OXSR1: variants seen among roughly 807,000 people sequenced by gnomAD.
OXSR1 encodes the protein oxidative stress responsive kinase 1.
Under a neutral mutation model 79.8 loss-of-function variants are expected in OXSR1, and 24 were observed. The ratio of observed to expected loss-of-function variants is 0.30; its 90% CI spans 0.22 to 0.42. OXSR1 has a LOEUF of 0.42. OXSR1 is among the 10% of genes least tolerant of loss of function. The pLI is 1.00. For missense variants in OXSR1, 430 were observed against 618.4 expected (o/e 0.70, Z 3.23); for synonymous variants, 226 against 209.2 (o/e 1.08, Z -0.69).
At chr3:38,218,217 T>A (rs116034739) in intron 5 of OXSR1, among the ~76,000 whole-genome samples, 2,587 of 152,260 alleles carry the variant, frequency 0.017, 34 homozygotes, top group Non-Finnish European at 0.025. Flanking sequence ...GCTGTACCAT[T>A]TTACATTCCC....
At chr3:38,189,298 T>G (rs559031770) in intron 2 of OXSR1, among the ~76,000 whole-genome samples, 1 of 152,336 alleles carries the variant, frequency 6.6e-6, no homozygotes, top group South Asian at 2.1e-4. Context: ...TACTACTCAT[T>G]TGGTACCTAT....
At chr3:38,184,954 G>GTTTTTTTTTTTTTTTTTTTTTTTTTT in intron 2 of OXSR1, among the ~76,000 whole-genome samples, 1 of 96,228 alleles carries the variant, frequency 1.0e-5, no homozygotes, top group Non-Finnish European at 2.0e-5. Flanking sequence ...TTTTTTTTGG[G>GTTTTTTTTTTTTTTTTTTTTTTTTTT]TTTCTTTGAG....
At chr3:38,233,668 C>T (rs1004304402) in intron 10 of OXSR1, among the ~76,000 whole-genome samples, 3 of 152,048 alleles carry the variant, frequency 2.0e-5, no homozygotes, top group South Asian at 4.1e-4. Flanking sequence ...AATCCCAACA[C>T]ATTAGGAGGA....
At chr3:38,250,625 A>G (rs555787758) in intron 15 of OXSR1, among the ~76,000 whole-genome samples, 2 of 152,284 alleles carry the variant, frequency 1.3e-5, no homozygotes, top group Non-Finnish European at 2.9e-5. Flanking sequence ...AGTAGCCAGC[A>G]AGTATCTGTT....
At chr3:38,244,670 T>TGTGTGTGTGTGTGTGTGTGC (rs1491372358) in intron 12 of OXSR1, among the ~76,000 whole-genome samples, 157 of 149,708 alleles carry the variant, frequency 1.0e-3, no homozygotes, top group African/African-American at 3.8e-3. Context: ...TGTGTGTGCG[T>TGTGTGTGTGTGTGTGTGTGC]GCGCATGTAC....
At chr3:38,178,017 C>G (rs1256965320) in intron 1 of OXSR1, among the ~76,000 whole-genome samples, 1 of 152,198 alleles carries the variant, frequency 6.6e-6, no homozygotes, top group Non-Finnish European at 1.5e-5. Flanking sequence ...GGTGCAATCT[C>G]AGCTCACTGC....
intron 4 of OXSR1, among the ~76,000 whole-genome samples, chr3:38,210,440 A>G (rs760876782): frequency 3.3e-5 from 5 of 151,982 alleles, no homozygotes; most frequent in Non-Finnish European, 7.4e-5. Context: ...CATATTTCAA[A>G]TTGGTTACTT....
chr3:38,184,343 G>A (rs900256136), intron 2 of OXSR1, among the ~76,000 whole-genome samples: 2 of 152,188 alleles, frequency 1.3e-5, no homozygotes, highest in Non-Finnish European at 2.9e-5. Context: ...CATCTTTGGT[G>A]AGAGAATGCA....
intron 4 of OXSR1, among the ~76,000 whole-genome samples, chr3:38,206,533 G>A (rs994547063): frequency 6.7e-6 from 1 of 148,514 alleles, no homozygotes; most frequent in African/African-American, 2.5e-5. Context: ...GACCCTAAAT[G>A]TATACTTCAG....
intron 12 of OXSR1, 62 bp downstream of exon 12, chr3:38,242,840 T>C: frequency 9.7e-7 from 1 of 1,029,708 alleles, no homozygotes; most frequent in Non-Finnish European, 1.5e-6. Flanking sequence ...TGGTTTCAAT[T>C]CGAAGTGCTT....
chr3:38,187,221 A>G lies in OXSR1; in HGVS notation c.184-3510A>G, dbSNP rs185741688. ...TATAACTGAAACATTTTCATATTAT[A>G]TAGAATATACTCTCATTTTCTATCC... On this transcript the variant is annotated intron_variant, in intron 2 of 17. Transcript: ENST00000311806. Among the ~76,000 whole-genome samples, 22 of 152,320 alleles carry G rather than the reference A, an allele frequency of 1.4e-4. No individual in the cohort carries two copies. In the East Asian group the frequency reaches 2.3e-3, roughly 16 times the overall value.
At chr3:38,240,830 A>G (rs1308573632) in intron 11 of OXSR1, among the ~76,000 whole-genome samples, 3 of 152,234 alleles carry the variant, frequency 2.0e-5, no homozygotes, top group Non-Finnish European at 4.4e-5. Flanking sequence ...GAAAATAGCT[A>G]TCTATGAGTC....
At position 38,253,058 on chromosome 3, in the gene OXSR1, G is replaced by A. The variant is rs900034997; in HGVS notation, c.*167G>A. On this transcript the variant is annotated 3_prime_UTR_variant, in exon 18 of 18. Coordinates refer to ENST00000311806, the MANE Select transcript of OXSR1 (RefSeq NM_005109.3). ...TGCCATCATTCCTCCTTTTCCCACA[G>A]GGAAAGAAAAGTTGGATCACTAGTG... is the stretch of plus-strand genomic sequence containing the variant. The A allele has an allele frequency of 6.6e-6, 4 of 606,576 alleles. No homozygotes were observed. The highest frequency in any genetic ancestry group is 5.6e-5 in the East Asian group (2 of 35,754). 37.6% of individuals were successfully genotyped at this position (606,576 alleles called of 1,614,324 possible). A position where few individuals can be genotyped will look rare whatever the true frequency, so the allele number is the denominator to read the frequency against.
rs1303581649 is a variant in OXSR1, at chr3:38,198,763, G to A, written c.334G>A (p.Glu112Lys). The change falls in exon 4 of 18, where the codon GAA becomes AAA. Residue 112 changes from glutamate (E) to lysine (K), a missense_variant. Transcript: ENST00000311806. ...TATTAAGCACATTGTGGCAAAAGGG[G>A]AACACAAAAGTGGAGTCCTAGATGA... ...DIIKHIVAKGEHKSGVLDEST... is the reference protein window; with the variant it reads ...DIIKHIVAKGKHKSGVLDEST... 3.1e-6 allele frequency: 5 copies of A among 1,613,036 alleles called. No individual in the cohort carries two copies. Among genetic ancestry groups the A allele is most frequent in the Non-Finnish European group, 4.2e-6 (5 of 1,179,184 alleles).
intron 5 of OXSR1, among the ~76,000 whole-genome samples, chr3:38,220,094 A>T (rs1301259937): frequency 6.6e-6 from 1 of 150,750 alleles, no homozygotes; most frequent in Admixed American, 6.6e-5. Context: ...GAAATGAGCC[A>T]CTGTGCCCAG....
intron 3 of OXSR1, 125 bp from the exon 4 acceptor site, chr3:38,198,597 C>A: frequency 1.7e-6 from 1 of 592,668 alleles, no homozygotes; most frequent in Non-Finnish European, 2.8e-6. Context: ...CTCATATTTG[C>A]TGTTTTTTTC....
At chr3:38,227,060 T>C (rs2300667) in intron 8 of OXSR1, among the ~76,000 whole-genome samples, 4 of 152,302 alleles carry the variant, frequency 2.6e-5, no homozygotes, top group East Asian at 1.9e-4. Context: ...TATAAAACTT[T>C]AAGAAAACTG....
At chr3:38,222,874 A>C (rs1702616704) in intron 6 of OXSR1, among the ~76,000 whole-genome samples, 1 of 152,190 alleles carries the variant, frequency 6.6e-6, no homozygotes, top group African/African-American at 2.4e-5. Context: ...TTCAGGACGT[A>C]TGAGCAATTT....
At chr3:38,169,549 G>A (rs1198712691) in intron 1 of OXSR1, among the ~76,000 whole-genome samples, 9 of 151,902 alleles carry the variant, frequency 5.9e-5, no homozygotes, top group East Asian at 5.8e-4. Context: ...CAGGTGATCC[G>A]CCTGCTTGGC....
Sources: allele counts gnomAD v4.1 joint callset (sites outside exome capture counted in the v4.1 genomes callset), GRCh38; gene constraint gnomAD v4.1.1; transcripts MANE v1.5; gene names NCBI Gene and HGNC (gene_info 2026-07-23, HGNC 2026-07-21).